RAB27B: variants seen among roughly 807,000 people sequenced by gnomAD.
RAB27B encodes RAB27B, member RAS oncogene family.
RAB27B carries 15 observed loss-of-function variants against 24.6 expected under a neutral mutation model. The ratio of observed to expected loss-of-function variants is 0.61; its 90% confidence interval spans 0.41 to 0.94. The LOEUF is 0.94. RAB27B is among the 40% of genes least tolerant of loss of function. The pLI is 0.00. For synonymous variants in RAB27B, 105 were observed against 92.5 expected (o/e 1.14, Z -0.78); for missense variants, 261 against 266.8 (o/e 0.98, Z 0.15).
chr18:54,724,641 A>T (rs908516655), intron 2 of RAB27B, among the ~76,000 whole-genome samples: 1 of 150,686 alleles, frequency 6.6e-6, no homozygotes. Context: ...CGAAGGTTGC[A>T]GTGAGCCGAG....
chr18:54,864,955 A>T lies in RAB27B; in HGVS notation c.-19-12612A>T, dbSNP rs188888271. 8.5e-5 allele frequency among the ~76,000 whole-genome samples: 13 copies of T among 152,206 alleles called. No individual in the cohort carries two copies. The East Asian group carries it at 2.5e-3, about 29-fold the overall frequency. On this transcript the variant is annotated intron_variant, in intron 1 of 5. Transcript: ENST00000262094. ...TGTGAAAAGGCAAGTAGATTTTGAG[A>T]GGGATTAAATTAAATGTGTAGTGTT... is the stretch of plus-strand genomic sequence containing the variant.
At chr18:54,867,019 T>A (rs1177169518) in intron 1 of RAB27B, among the ~76,000 whole-genome samples, 3 of 152,086 alleles carry the variant, frequency 2.0e-5, no homozygotes, top group Admixed American at 6.5e-5. Flanking sequence ...ACGTGGCAAC[T>A]AGTGTATATA....
At chr18:54,751,823 G>A (rs188471363) in intron 2 of RAB27B, among the ~76,000 whole-genome samples, 30 of 152,308 alleles carry the variant, frequency 2.0e-4, no homozygotes, top group African/African-American at 7.2e-4. Flanking sequence ...TGGGAAAGCA[G>A]TTGAGGAGAT....
At chr18:54,844,704 G>A (rs1184705370) in intron 1 of RAB27B, among the ~76,000 whole-genome samples, 1 of 152,020 alleles carries the variant, frequency 6.6e-6, no homozygotes, top group Admixed American at 6.6e-5. Context: ...ACTGTGCCTG[G>A]CCAAATTTAG....
At chr18:54,830,620 TA>T (rs1568084794) in intron 1 of RAB27B, among the ~76,000 whole-genome samples, 1 of 151,984 alleles carries the variant, frequency 6.6e-6, no homozygotes, top group African/African-American at 2.4e-5. Flanking sequence ...ATTTTTTTTT[TA>T]AATTCATTAT....
upstream of RAB27B, among the ~76,000 whole-genome samples, chr18:54,824,849 C>G (rs1373720166): frequency 6.6e-6 from 1 of 151,904 alleles, no homozygotes; most frequent in Non-Finnish European, 1.5e-5. Context: ...GGAGACATTC[C>G]TACTGCAAGC....
intron 2 of RAB27B, among the ~76,000 whole-genome samples, chr18:54,722,726 C>G (rs1369654374): frequency 1.3e-5 from 2 of 152,196 alleles, no homozygotes; most frequent in Non-Finnish European, 2.9e-5. Flanking sequence ...TACCTGCACA[C>G]AAACATGCAC....
intron 2 of RAB27B, among the ~76,000 whole-genome samples, chr18:54,808,413 T>C (rs1909861872): frequency 6.6e-6 from 1 of 152,202 alleles, no homozygotes; most frequent in African/African-American, 2.4e-5. Flanking sequence ...TATGCACATA[T>C]TTCTTTGGCC....
chr18:54,817,218 A>G (rs1368904846), intron 2 of RAB27B, among the ~76,000 whole-genome samples: 1 of 152,206 alleles, frequency 6.6e-6, no homozygotes, highest in Non-Finnish European at 1.5e-5. Context: ...TTGTGGCATC[A>G]GGTGTGTGAA....
intron 2 of RAB27B, among the ~76,000 whole-genome samples, chr18:54,804,454 G>A (rs963857303): frequency 7.9e-5 from 12 of 152,296 alleles, no homozygotes; most frequent in East Asian, 3.9e-4. Flanking sequence ...AGTTAGAAGT[G>A]CCTTTTGCCT....
intron 1 of RAB27B, among the ~76,000 whole-genome samples, chr18:54,852,676 A>G (rs1011406859): frequency 2.0e-5 from 3 of 152,206 alleles, no homozygotes; most frequent in African/African-American, 7.2e-5. Context: ...GGCTTATTGA[A>G]AGAAATAGTT....
At chr18:54,853,189 C>T (rs1056974982) in intron 1 of RAB27B, among the ~76,000 whole-genome samples, 5 of 152,024 alleles carry the variant, frequency 3.3e-5, no homozygotes, top group African/African-American at 9.7e-5. Context: ...TGCTGTGTTC[C>T]GAGTAACTTG....
At chr18:54,732,492 T>C (rs1909760464) in intron 2 of RAB27B, among the ~76,000 whole-genome samples, 1 of 152,188 alleles carries the variant, frequency 6.6e-6, no homozygotes, top group Non-Finnish European at 1.5e-5. Flanking sequence ...ACATCATTAC[T>C]GGAAACAGAA....
chr18:54,766,314 G>A (rs550077560), intron 2 of RAB27B, among the ~76,000 whole-genome samples: 35 of 152,230 alleles, frequency 2.3e-4, no homozygotes, highest in Non-Finnish European at 3.1e-4. Context: ...CCTGTAAATC[G>A]AAGCTAAAGA....
intron 2 of RAB27B, among the ~76,000 whole-genome samples, chr18:54,810,885 A>T (rs1485936573): frequency 2.0e-5 from 3 of 148,038 alleles, no homozygotes; most frequent in Non-Finnish European, 3.0e-5. Context: ...AATAAATAAG[A>T]AAACCTCTGT....
chr18:54,737,416 A>T (rs745718836), intron 2 of RAB27B, among the ~76,000 whole-genome samples: 2 of 151,414 alleles, frequency 1.3e-5, no homozygotes, highest in Non-Finnish European at 2.9e-5. Context: ...AAATAACATT[A>T]AATTTGATTG....
chr18:54,820,056 T>C (rs558264983), intron 2 of RAB27B, among the ~76,000 whole-genome samples: 1 of 152,270 alleles, frequency 6.6e-6, no homozygotes, highest in East Asian at 1.9e-4. Context: ...ACTTTGCTGT[T>C]GTGAATAGTG....
At chr18:54,804,416 T>G (rs1025566900) in intron 2 of RAB27B, among the ~76,000 whole-genome samples, 3 of 152,208 alleles carry the variant, frequency 2.0e-5, no homozygotes, top group African/African-American at 7.2e-5. Flanking sequence ...TGCTTTTGCT[T>G]CTTCTTCATT....
chr18:54,743,551 G>A (rs573387189), intron 2 of RAB27B, among the ~76,000 whole-genome samples: 2 of 152,284 alleles, frequency 1.3e-5, no homozygotes, highest in Admixed American at 1.3e-4. Flanking sequence ...GAGGGAATGA[G>A]CCATTCAGAC....
Sources: gnomAD v4.1 joint callset for allele counts (sites outside exome capture counted in the v4.1 genomes callset) on GRCh38, gnomAD v4.1.1 for gene constraint, MANE v1.5 for transcripts, NCBI Gene and HGNC (gene_info 2026-07-23, HGNC 2026-07-21) for gene names.